COL14A1: variants seen among roughly 807,000 people sequenced by gnomAD.
COL14A1 encodes the protein collagen alpha-1(XIV) chain.
In COL14A1, 136 loss-of-function variants were observed where a neutral mutation model predicts 230.3. That is an observed-to-expected ratio of 0.59 (90% confidence interval 0.51 to 0.68). The LOEUF (loss-of-function observed/expected upper bound fraction) is 0.68, where lower values mean the gene tolerates loss of function less well. COL14A1 is among the 30% of genes least tolerant of loss of function. COL14A1 has a pLI of 0.00. For missense variants in COL14A1, 1,976 were observed against 2,215.8 expected (o/e 0.89, Z 2.17); for synonymous variants, 792 against 784.1 (o/e 1.01, Z -0.17).
At chr8:120,137,895 A>G (rs76898810) in intron 1 of COL14A1, among the ~76,000 whole-genome samples, 11,766 of 152,030 alleles carry the variant, frequency 0.077, 1,183 homozygotes, top group African/African-American at 0.23. Flanking sequence ...GGTGTGAGTC[A>G]CCATACCCAG....
At chr8:120,158,078 A>T in intron 2 of COL14A1, 52 bp from the exon 3 acceptor site, 2 of 997,508 alleles carry the variant, frequency 2.0e-6, no homozygotes, top group Non-Finnish European at 3.1e-6. Context: ...GATTTAACAA[A>T]TAGAAGCTTA....
At chr8:120,202,652 A>G (rs1395402016) in intron 8 of COL14A1, among the ~76,000 whole-genome samples, 2 of 152,138 alleles carry the variant, frequency 1.3e-5, no homozygotes, top group African/African-American at 4.8e-5. Context: ...AAATAGGGGA[A>G]CAATAGTTCC....
intron 40 of COL14A1, among the ~76,000 whole-genome samples, chr8:120,331,734 A>G (rs1821873383): frequency 6.6e-6 from 1 of 152,170 alleles, no homozygotes; most frequent in African/African-American, 2.4e-5. Flanking sequence ...TAGTACTCCT[A>G]ATGAAAGACA....
intron 14 of COL14A1, among the ~76,000 whole-genome samples, chr8:120,218,932 G>T (rs1433702697): frequency 1.3e-5 from 2 of 152,088 alleles, no homozygotes; most frequent in African/African-American, 4.8e-5. Context: ...AAAGTAACAT[G>T]ACTATATTCC....
At chr8:120,221,241 C>CTAAAAT (rs1817925069) in intron 14 of COL14A1, among the ~76,000 whole-genome samples, 1 of 152,108 alleles carries the variant, frequency 6.6e-6, no homozygotes, top group Non-Finnish European at 1.5e-5. Flanking sequence ...TACATCCCTT[C>CTAAAAT]TAAAATTAGG....
intron 34 of COL14A1, among the ~76,000 whole-genome samples, chr8:120,296,155 A>G (rs1820524326): frequency 6.6e-6 from 1 of 151,674 alleles, no homozygotes; most frequent in South Asian, 2.1e-4. Flanking sequence ...TGGATGGTGG[A>G]GGGGAACCTT....
In COL14A1 at chr8:120,292,494, G is replaced by T. The variant is rs144769935; in HGVS notation, c.4236+2728G>T. 7.1e-3 allele frequency among the ~76,000 whole-genome samples: 1,076 copies of T among 152,206 alleles called. 11 individuals carry two copies. In the Middle Eastern group the frequency reaches 0.071, roughly 10 times the overall value. ...AGAATTTGATTATGTTGAAATGAATGTATTAAGTTAGATCTCAAGAATGTG... is the reference window on the plus strand; with the variant it reads ...AGAATTTGATTATGTTGAAATGAATTTATTAAGTTAGATCTCAAGAATGTG... On this transcript the variant is annotated intron_variant, in intron 34 of 47. Transcript: ENST00000297848.
intron 45 of COL14A1, among the ~76,000 whole-genome samples, chr8:120,348,134 C>A (rs1012834917): frequency 6.6e-6 from 1 of 150,388 alleles, no homozygotes; most frequent in South Asian, 2.1e-4. Context: ...AACCCAAATG[C>A]CCATCAATCA....
chr8:120,300,514 C>T (rs563792837), intron 35 of COL14A1, among the ~76,000 whole-genome samples: 1 of 152,092 alleles, frequency 6.6e-6, no homozygotes, highest in East Asian at 1.9e-4. Flanking sequence ...CTGGTTTTAG[C>T]AACACCCATT....
intron 2 of COL14A1, among the ~76,000 whole-genome samples, chr8:120,155,276 G>A (rs1267035958): frequency 6.6e-6 from 1 of 152,172 alleles, no homozygotes; most frequent in Non-Finnish European, 1.5e-5. Context: ...CGTTGCATTT[G>A]CTTCAACAGT....
intron 3 of COL14A1, among the ~76,000 whole-genome samples, chr8:120,160,015 A>G (rs1815609750): frequency 6.6e-6 from 1 of 152,110 alleles, no homozygotes; most frequent in Non-Finnish European, 1.5e-5. Flanking sequence ...ATTAAGAAAT[A>G]TTATCCGTAG....
chr8:120,290,290 G>A lies in COL14A1; in HGVS notation c.4236+524G>A, dbSNP rs145703107. Among the ~76,000 whole-genome samples the A allele has an allele frequency of 6.2e-3, 936 of 152,140 alleles. 10 individuals are homozygous for A. The highest frequency in any genetic ancestry group is 0.021 in the African/African-American group (880 of 41,514). On this transcript the variant is annotated intron_variant, in intron 34 of 47. Transcript: ENST00000297848. ...ACCCTTTAATTATTGTGATTATTGA[G>A]TAACATACCATTCTAAGATAATATA...
chr8:120,290,363 G>T (rs1820335279), intron 34 of COL14A1, among the ~76,000 whole-genome samples: 1 of 150,476 alleles, frequency 6.6e-6, no homozygotes, highest in South Asian at 2.1e-4. Context: ...CTTCCAGTTG[G>T]CAAAGAAATC....
intron 36 of COL14A1, 79 bp downstream of exon 36, chr8:120,300,897 C>T (rs1820690700): frequency 1.1e-5 from 12 of 1,109,544 alleles, no homozygotes; most frequent in South Asian, 1.4e-5. Context: ...TATGTGTTGT[C>T]TACTGTACTA....
At chr8:120,176,892 G>T (rs982477354) in intron 5 of COL14A1, among the ~76,000 whole-genome samples, 4 of 151,662 alleles carry the variant, frequency 2.6e-5, no homozygotes, top group African/African-American at 9.7e-5. Context: ...TATTCTCATT[G>T]TTATTATAAT....
At chr8:120,309,900 G>A (rs1056430081) in intron 36 of COL14A1, 109 bp from the exon 37 acceptor site, 1 of 1,014,010 alleles carries the variant, frequency 9.9e-7, no homozygotes, top group Non-Finnish European at 1.5e-6. Flanking sequence ...ACAGTGTGTT[G>A]GCCTTTACAT....
intron 36 of COL14A1, among the ~76,000 whole-genome samples, chr8:120,309,091 C>T (rs184935089): frequency 1.1e-4 from 17 of 152,254 alleles, no homozygotes; most frequent in Admixed American, 2.6e-4. Flanking sequence ...CCCGCCACCA[C>T]GCCCGGCTAA....
intron 45 of COL14A1, among the ~76,000 whole-genome samples, chr8:120,349,754 A>G (rs7841660): frequency 0.25 from 21,707 of 87,236 alleles, 3,332 homozygotes; most frequent in African/African-American, 0.36. Flanking sequence ...CCAAATCTAC[A>G]TCTGATTGGT....
At chr8:120,186,115 A>G (rs1201070944) in intron 5 of COL14A1, among the ~76,000 whole-genome samples, 1 of 152,190 alleles carries the variant, frequency 6.6e-6, no homozygotes, top group African/African-American at 2.4e-5. Flanking sequence ...ATGGCTTCTC[A>G]TGGGAATGTT....
Sources: allele counts gnomAD v4.1 joint callset (sites outside exome capture counted in the v4.1 genomes callset), GRCh38; gene constraint gnomAD v4.1.1; transcripts MANE v1.5; gene names NCBI Gene and HGNC (gene_info 2026-07-23, HGNC 2026-07-21).